KCNU1: variants seen among roughly 807,000 people sequenced by gnomAD.
KCNU1 encodes the protein potassium calcium-activated channel subfamily U member 1.
A neutral mutation model predicts 126.8 loss-of-function variants in KCNU1; 93 were observed. The ratio of observed to expected loss-of-function variants is 0.73; its 90% CI spans 0.62 to 0.87. The LOEUF (loss-of-function observed/expected upper bound fraction) is 0.87. Among genes scored for constraint, KCNU1 ranks in the 40% least tolerant of loss-of-function variants. KCNU1 has a pLI of 0.00. For missense variants in KCNU1, 1,330 were observed against 1,367.1 expected (o/e 0.97, Z 0.43); for synonymous variants, 523 against 494.2 (o/e 1.06, Z -0.77).
chr8:36,897,450 T>C (rs1255204399), intron 19 of KCNU1, among the ~76,000 whole-genome samples: 1 of 152,044 alleles, frequency 6.6e-6, no homozygotes, highest in Admixed American at 6.6e-5. Context: ...CTAAATAGTT[T>C]CTTGATGCAA....
chr8:36,805,140 T>C (rs1803450095), intron 3 of KCNU1, 55 bp from the exon 4 acceptor site: 1 of 1,314,560 alleles, frequency 7.6e-7, no homozygotes, highest in East Asian at 2.3e-5. Flanking sequence ...TGGTCTTATA[T>C]AGACACCACT....
intron 22 of KCNU1, among the ~76,000 whole-genome samples, chr8:36,911,469 G>C (rs76619128): frequency 0.023 from 3,455 of 152,266 alleles, 56 homozygotes; most frequent in Non-Finnish European, 0.035. Flanking sequence ...TACCACTATA[G>C]TTATTATTAT....
chr8:36,911,311 G>A (rs1416961698), intron 22 of KCNU1, among the ~76,000 whole-genome samples, 192 bp downstream of exon 22: 4 of 152,118 alleles, frequency 2.6e-5, no homozygotes, highest in African/African-American at 9.7e-5. Flanking sequence ...TAAGTCAAAT[G>A]GATGATGGTG....
chr8:36,810,221 C>T (rs929044448), intron 7 of KCNU1, among the ~76,000 whole-genome samples: 4 of 150,976 alleles, frequency 2.6e-5, no homozygotes, highest in East Asian at 3.9e-4. Flanking sequence ...CACTGCACTC[C>T]AGCCTGGTGA....
chr8:36,866,681 C>G (rs1437609656), intron 19 of KCNU1, among the ~76,000 whole-genome samples: 1 of 152,044 alleles, frequency 6.6e-6, no homozygotes, highest in Non-Finnish European at 1.5e-5. Context: ...AGGCACCATG[C>G]TTGATGCTTT....
At chr8:36,882,763 A>C (rs1389420422) in intron 19 of KCNU1, among the ~76,000 whole-genome samples, 1 of 152,038 alleles carries the variant, frequency 6.6e-6, no homozygotes, top group Non-Finnish European at 1.5e-5. Flanking sequence ...TTATGTTTTT[A>C]GTAGAGATGG....
intron 1 of KCNU1, among the ~76,000 whole-genome samples, chr8:36,785,808 T>G (rs1654765112): frequency 6.6e-6 from 1 of 152,226 alleles, no homozygotes; most frequent in South Asian, 2.1e-4. Flanking sequence ...TCCATTATGT[T>G]CATTTTGTGT....
chr8:36,817,997 G>A (rs138168850), intron 10 of KCNU1, among the ~76,000 whole-genome samples: 324 of 152,140 alleles, frequency 2.1e-3, no homozygotes, highest in African/African-American at 7.5e-3. Context: ...TTATCATTTG[G>A]CATTTAGGTT....
intron 18 of KCNU1, among the ~76,000 whole-genome samples, chr8:36,858,567 C>A (rs557173499): frequency 1.5e-3 from 223 of 152,258 alleles, no homozygotes; most frequent in Non-Finnish European, 2.3e-3. Context: ...ACAAACCAAA[C>A]TTTCTGAAAA....
intron 18 of KCNU1, among the ~76,000 whole-genome samples, chr8:36,853,811 G>A (rs575333945): frequency 6.6e-6 from 1 of 152,104 alleles, no homozygotes; most frequent in Non-Finnish European, 1.5e-5. Context: ...GTGTGTGTGT[G>A]TGATTTTTAT....
Position 36,933,047 on chromosome 8 carries a change from T to C in KCNU1, c.3044+15T>C, listed in dbSNP as rs1277358604. ...GAAAACAAAAGGGGAGTGTGCTAGA[T>C]TGGAAAGCACCATCCACCCATTCAA... is the stretch of plus-strand genomic sequence containing the variant. On this transcript the variant is annotated intron_variant, in intron 26 of 26. Coordinates refer to ENST00000399881, the MANE Select transcript of KCNU1 (RefSeq NM_001031836.3). 2.8e-6 allele frequency: 4 copies of C among 1,426,702 alleles called. No individual in the cohort carries two copies. The highest frequency in any genetic ancestry group is 3.9e-6 in the Non-Finnish European group (4 of 1,032,550). The allele number at this position is 1,426,702 out of a possible 1,614,324, so 88.4% of individuals were successfully genotyped here.
intron 4 of KCNU1, 106 bp from the exon 5 acceptor site, chr8:36,806,163 C>G (rs1482393514): frequency 1.6e-6 from 1 of 642,678 alleles, no homozygotes; most frequent in Non-Finnish European, 2.7e-6. Context: ...AGAAGGAGAT[C>G]AAGGCTTCAG....
intron 10 of KCNU1, among the ~76,000 whole-genome samples, chr8:36,820,460 G>A (rs1389613008): frequency 6.6e-6 from 1 of 151,996 alleles, no homozygotes; most frequent in Non-Finnish European, 1.5e-5. Flanking sequence ...GCCCATGCAT[G>A]GTTTTATGGC....
At chr8:36,928,966 G>C in intron 24 of KCNU1, 3 of 697,092 alleles carry the variant, frequency 4.3e-6, no homozygotes. Context: ...CCAGATACAT[G>C]AGAAGCAATG....
At chr8:36,871,445 G>A (rs1806099980) in intron 19 of KCNU1, among the ~76,000 whole-genome samples, 1 of 151,334 alleles carries the variant, frequency 6.6e-6, no homozygotes, top group Non-Finnish European at 1.5e-5. Flanking sequence ...AATTCATCAG[G>A]TATGTATTGA....
intron 26 of KCNU1, among the ~76,000 whole-genome samples, chr8:36,933,289 TA>T: frequency 6.6e-6 from 1 of 152,092 alleles, no homozygotes; most frequent in African/African-American, 2.4e-5. Context: ...AACACGGAGC[TA>T]GATTTTAAAT....
At chr8:36,798,869 G>C (rs1041296919) in intron 2 of KCNU1, among the ~76,000 whole-genome samples, 1 of 152,046 alleles carries the variant, frequency 6.6e-6, no homozygotes, top group South Asian at 2.1e-4. Flanking sequence ...ATGTTCTCAG[G>C]ATCCCCTGAG....
At chr8:36,827,880 G>A (rs1321818651) in intron 10 of KCNU1, among the ~76,000 whole-genome samples, 1 of 152,124 alleles carries the variant, frequency 6.6e-6, no homozygotes, top group Non-Finnish European at 1.5e-5. Flanking sequence ...CCATTGTAGA[G>A]ACTTGGCTTT....
At position 36,784,574 on chromosome 8, in the gene KCNU1, G is replaced by A. The variant is rs772989092; in HGVS notation, c.164G>A (p.Trp55Ter). The A allele has an allele frequency of 6.2e-7, 1 of 1,613,448 alleles. No individual in the cohort carries two copies. Among genetic ancestry groups the A allele is most frequent in the Non-Finnish European group, 8.5e-7 (1 of 1,179,644 alleles). The stretch of plus-strand genomic sequence containing the variant: ...CTGATCTGGAGATCTGTTAAAAAAT[G>A]GCAAATCATCAAGGGAACAGGAATT... Reference protein sequence around the residue: ...FRLIWRSVKKWQIIKGTGIIL... With the variant: ...FRLIWRSVKK Residue 55 changes from tryptophan (W) to a stop codon, truncating the protein, a stop_gained, in exon 1 of 27, where the codon TGG (tryptophan) becomes TAG (stop). Transcript: ENST00000399881. LOFTEE classifies it high-confidence loss of function.
Sources: allele counts gnomAD v4.1 joint callset (sites outside exome capture counted in the v4.1 genomes callset), GRCh38; gene constraint gnomAD v4.1.1; transcripts MANE v1.5; gene names NCBI Gene and HGNC (gene_info 2026-07-23, HGNC 2026-07-21).